Variants in MS4A15 observed in about 807,000 individuals in gnomAD.
MS4A15 encodes the protein membrane-spanning 4-domains subfamily A member 15.
In MS4A15, 22 loss-of-function variants were observed where a neutral mutation model predicts 20.6. The observed-to-expected ratio is 1.07, with a 90% CI of 0.76 to 1.52. The LOEUF is 1.52. Among genes scored for constraint, MS4A15 ranks in the 40% most tolerant of loss-of-function variants. The pLI, the probability that MS4A15 is intolerant of heterozygous loss-of-function variation, is 0.00. For synonymous variants in MS4A15, 129 were observed against 129.3 expected, an observed-to-expected ratio of 1.00 and a Z score of 0.02; for missense variants, 312 against 323.0, an observed-to-expected ratio of 0.97 and a Z score of 0.26.
At chr11:60,764,844 G>A (rs1853842781) in intron 2 of MS4A15, among the ~76,000 whole-genome samples, 1 of 152,176 alleles carries the variant, frequency 6.6e-6, no homozygotes, top group African/African-American at 2.4e-5. Context: ...GGGAGGTGGA[G>A]GTTGCAGTGA....
At chr11:60,761,915 C>T (rs1025917277) in intron 1 of MS4A15, among the ~76,000 whole-genome samples, 4 of 152,108 alleles carry the variant, frequency 2.6e-5, no homozygotes, top group African/African-American at 4.8e-5. Flanking sequence ...CCTGTCTCAT[C>T]GAAATGTTAC....
At chr11:60,758,049 T>C (rs1312939511) in intron 1 of MS4A15, among the ~76,000 whole-genome samples, 1 of 152,242 alleles carries the variant, frequency 6.6e-6, no homozygotes, top group Non-Finnish European at 1.5e-5. Context: ...AAAACTTTGG[T>C]AAATGTTTTG....
At chr11:60,759,545 G>T (rs1853679351) in intron 1 of MS4A15, among the ~76,000 whole-genome samples, 1 of 152,134 alleles carries the variant, frequency 6.6e-6, no homozygotes, top group African/African-American at 2.4e-5. Context: ...TCTGTGCTGA[G>T]GAGGATTAGT....
At chr11:60,771,808 G>A in intron 4 of MS4A15, 1 of 1,191,590 alleles carries the variant, frequency 8.4e-7, no homozygotes, top group Non-Finnish European at 1.1e-6. Context: ...TTAATCCCAT[G>A]ATGGGGCTGG....
chr11:60,775,526 A>G (rs1385166248), intron 6 of MS4A15, 79 bp from the exon 7 acceptor site: 1 of 1,148,430 alleles, frequency 8.7e-7, no homozygotes, highest in South Asian at 1.3e-5. Flanking sequence ...TTCTCAGATT[A>G]CCCACAAGGG....
intron 1 of MS4A15, among the ~76,000 whole-genome samples, chr11:60,758,896 A>G (rs1289609152): frequency 6.6e-6 from 1 of 152,258 alleles, no homozygotes; most frequent in African/African-American, 2.4e-5. Flanking sequence ...CACAAAATCC[A>G]GGAACATTTT....
At chr11:60,768,108 G>A (rs1853929128) in intron 3 of MS4A15, among the ~76,000 whole-genome samples, 3 of 152,128 alleles carry the variant, frequency 2.0e-5, no homozygotes, top group Non-Finnish European at 2.9e-5. Flanking sequence ...CAGGTGAATC[G>A]CTTTAACCCG....
At chr11:60,775,019 GAGAA>G (rs1254226218) in intron 6 of MS4A15, among the ~76,000 whole-genome samples, 1 of 152,188 alleles carries the variant, frequency 6.6e-6, no homozygotes, top group African/African-American at 2.4e-5. Flanking sequence ...GCAGTCGGGA[GAGAA>G]AGAACAGCAG....
rs200918269 is a variant in MS4A15 at position 60,773,993 on chromosome 11, C to A, written c.612+43C>A. 9.7e-5 allele frequency: 147 copies of A among 1,517,808 alleles called. No homozygotes were observed. In the African/African-American group the frequency reaches 1.7e-3, roughly 18 times the overall value. The allele number at this position is 1,517,808 out of a possible 1,614,324, so 94.0% of individuals were successfully genotyped here. A position where few individuals can be genotyped will look rare whatever the true frequency, so the allele number is the denominator to read the frequency against. Reference sequence around the variant, plus strand: ...CACCCCCACGTCCACTAAACCTGAGCTGAGCCTGTGTGGAAGGCAGTTGGC... The same window carrying A: ...CACCCCCACGTCCACTAAACCTGAGATGAGCCTGTGTGGAAGGCAGTTGGC... On this transcript the variant is annotated intron_variant, in intron 6 of 6. Coordinates refer to ENST00000405633, the MANE Select transcript of MS4A15 (RefSeq NM_001098835.2).
chr11:60,773,726 G>A, intron 5 of MS4A15, 111 bp from the exon 6 acceptor site: 1 of 945,222 alleles, frequency 1.1e-6, no homozygotes, highest in Admixed American at 1.7e-5. Flanking sequence ...CTGGCTCCAG[G>A]CACAGCTCTG....
At chr11:60,759,837 C>G (rs995182167) in intron 1 of MS4A15, among the ~76,000 whole-genome samples, 5 of 152,164 alleles carry the variant, frequency 3.3e-5, no homozygotes, top group Admixed American at 1.3e-4. Flanking sequence ...TTCCCTTACT[C>G]ACATGTTTTC....
chr11:60,775,400 T>C (rs1263308179), intron 6 of MS4A15, among the ~76,000 whole-genome samples: 1 of 152,206 alleles, frequency 6.6e-6, no homozygotes, highest in African/African-American at 2.4e-5. Flanking sequence ...TGTTCACTGC[T>C]GTACTCCCAA....
intron 3 of MS4A15, among the ~76,000 whole-genome samples, chr11:60,770,745 C>T (rs1483821553): frequency 2.0e-5 from 3 of 151,326 alleles, no homozygotes; most frequent in Admixed American, 6.6e-5. Context: ...TCACTCTGTC[C>T]CCCAGGCTGG....
In MS4A15 at chr11:60,776,641, A is replaced by T. The variant is rs1172307268; in HGVS notation, c.*926A>T. 4 of 152,268 alleles carry T rather than the reference A, an allele frequency of 2.6e-5. No individual in the cohort carries two copies. The highest frequency in any genetic ancestry group is 4.4e-5 in the Non-Finnish European group (3 of 68,074). The allele number at this position is 152,268 out of a possible 1,614,324, so 9.4% of individuals were successfully genotyped here. A position where few individuals can be genotyped will look rare whatever the true frequency, so the allele number is the denominator to read the frequency against. ...CTTCGTCTCCAGGGGACAAGGAGACACTGTCAGCCTGGTGTTCACCAGGCC... is the reference window on the plus strand; with the variant it reads ...CTTCGTCTCCAGGGGACAAGGAGACTCTGTCAGCCTGGTGTTCACCAGGCC... On this transcript the variant is annotated 3_prime_UTR_variant, in exon 7 of 7. Transcript: ENST00000405633.
At chr11:60,768,538 C>G (rs1287648271) in intron 3 of MS4A15, among the ~76,000 whole-genome samples, 1 of 152,150 alleles carries the variant, frequency 6.6e-6, no homozygotes, top group African/African-American at 2.4e-5. Flanking sequence ...TCCAGCCGCC[C>G]CAAGGAAGCA....
intron 4 of MS4A15, 29 bp downstream of exon 4, chr11:60,771,376 G>T (rs770777229): frequency 6.2e-7 from 1 of 1,613,612 alleles, no homozygotes; most frequent in East Asian, 2.2e-5. Context: ...ACCCAGGGGC[G>T]GGGATGAAGC....
intron 1 of MS4A15, among the ~76,000 whole-genome samples, chr11:60,761,876 G>T (rs1004064290): frequency 3.9e-5 from 6 of 152,164 alleles, no homozygotes; most frequent in African/African-American, 1.4e-4. Context: ...TAGTAGTAAA[G>T]TCTCTTCCAG....
rs1194602274 is a variant in MS4A15 at position 60,775,724 on chromosome 11, T to G, written c.*9T>G. ...CCCAAGGAGTCGTCTGAGTAGCAGA[T>G]GTGGCACCTGCGGGTGGAGTCCAGC... On this transcript the variant is annotated 3_prime_UTR_variant, in exon 7 of 7. Coordinates refer to ENST00000405633, the MANE Select transcript of MS4A15 (RefSeq NM_001098835.2). 1.2e-6 allele frequency: 2 copies of G among 1,607,574 alleles called. No individual in the cohort carries two copies. The highest frequency in any genetic ancestry group is 1.7e-6 in the Non-Finnish European group (2 of 1,174,944).
chr11:60,768,707 A>G (rs1165065009), intron 3 of MS4A15, among the ~76,000 whole-genome samples: 1 of 152,238 alleles, frequency 6.6e-6, no homozygotes, highest in East Asian at 1.9e-4. Flanking sequence ...TGCAGAGGAA[A>G]TCGAGAGATA....
Sources: allele counts gnomAD v4.1 joint callset (sites outside exome capture counted in the v4.1 genomes callset), GRCh38; gene constraint gnomAD v4.1.1; transcripts MANE v1.5; gene names NCBI Gene and HGNC (gene_info 2026-07-23, HGNC 2026-07-21).